The following RTF2 variants were observed in gnomAD, a reference collection of about 807,000 sequenced individuals.
RTF2 encodes UPF0549 protein C20orf43.
Under a neutral mutation model 38.0 loss-of-function variants are expected in RTF2, and 18 were observed. The ratio of observed to expected loss-of-function variants is 0.47; its 90% CI spans 0.33 to 0.70. The LOEUF (loss-of-function observed/expected upper bound fraction) is 0.70, where lower values mean the gene tolerates loss of function less well. Among genes scored for constraint, RTF2 ranks in the 30% least tolerant of loss-of-function variants. RTF2 has a pLI of 0.02. For synonymous variants in RTF2, 126 were observed against 137.1 expected (o/e 0.92, Z 0.57); for missense variants, 311 against 379.6 (o/e 0.82, Z 1.50).
At chr20:56,506,278 G>A (rs1441263457) in intron 5 of RTF2, among the ~76,000 whole-genome samples, 1 of 152,150 alleles carries the variant, frequency 6.6e-6, no homozygotes, top group African/African-American at 2.4e-5. Flanking sequence ...TCAAAAGTCA[G>A]TACAAACATG....
chr20:56,476,878 G>T (rs1982273420), intron 3 of RTF2, 107 bp from the exon 4 acceptor site: 1 of 1,030,142 alleles, frequency 9.7e-7, no homozygotes. Context: ...GTGAGGGAGA[G>T]GTTTTGATGG....
At chr20:56,480,756 GAGA>G (rs1982489367) in intron 4 of RTF2, among the ~76,000 whole-genome samples, 1 of 152,208 alleles carries the variant, frequency 6.6e-6, no homozygotes, top group Admixed American at 6.5e-5. Context: ...AGGGAGAACT[GAGA>G]AGGAGAGAGA....
chr20:56,497,495 G>A (rs1429335638), intron 5 of RTF2: 2 of 1,489,690 alleles, frequency 1.3e-6, no homozygotes, highest in Admixed American at 4.1e-5. Flanking sequence ...CTTCTGGTTG[G>A]GCAGGTTCTT....
At chr20:56,516,754 A>G in intron 6 of RTF2, 181 bp from the exon 7 acceptor site, 1 of 649,868 alleles carries the variant, frequency 1.5e-6, no homozygotes. Context: ...CTGGTGTCAC[A>G]TGCAGAGGGT....
intron 5 of RTF2, among the ~76,000 whole-genome samples, chr20:56,485,026 A>T (rs1375932971): frequency 6.6e-6 from 1 of 152,164 alleles, no homozygotes; most frequent in East Asian, 1.9e-4. Context: ...GTGGGAAAGC[A>T]TACTGAATAA....
At chr20:56,501,087 A>G (rs112848332) in intron 5 of RTF2, among the ~76,000 whole-genome samples, 194 of 152,320 alleles carry the variant, frequency 1.3e-3, no homozygotes, top group African/African-American at 4.4e-3. Flanking sequence ...TAAGGCAGTC[A>G]GGCCCTCTAT....
chr20:56,484,105 C>G lies in RTF2; in HGVS notation c.399-6C>G. ...CAGTCCTTCCCCCACTGGGTTATTT[C>G]TCCAGGTTCTGCTTCCTTCGGTGCT... On this transcript the variant is annotated splice_region_variant and splice_polypyrimidine_tract_variant and intron_variant, in intron 4 of 8. Transcript: ENST00000357348. The G allele has an allele frequency of 1.2e-6, 2 of 1,613,838 alleles. No individual in the cohort carries two copies. Among genetic ancestry groups the G allele is most frequent in the Non-Finnish European group, 1.7e-6 (2 of 1,179,788 alleles).
chr20:56,511,428 A>G (rs928901658), intron 5 of RTF2, among the ~76,000 whole-genome samples: 1 of 151,076 alleles, frequency 6.6e-6, no homozygotes, highest in Non-Finnish European at 1.5e-5. Flanking sequence ...TCCCCCAACC[A>G]TCTATGGAAA....
rs372927705 is a variant in RTF2, at chr20:56,468,680, T to C, written c.-18T>C. Reference sequence around the variant, plus strand: ...ACAGCTTTGGGGGTTTGCTGCTGGCTCTGACTCCCGTCCTGCGATGGGTTG... The same window carrying C: ...ACAGCTTTGGGGGTTTGCTGCTGGCCCTGACTCCCGTCCTGCGATGGGTTG... On this transcript the variant is annotated 5_prime_UTR_variant, in exon 1 of 9. Coordinates refer to ENST00000357348, the MANE Select transcript of RTF2 (RefSeq NM_016407.5). 9.6e-6 allele frequency: 15 copies of C among 1,565,738 alleles called. No homozygotes were observed. Among genetic ancestry groups the C allele is most frequent in the Admixed American group, 5.7e-5 (3 of 52,484 alleles).
At chr20:56,468,977 CA>C (rs1981822809) in intron 1 of RTF2, among the ~76,000 whole-genome samples, 1 of 152,192 alleles carries the variant, frequency 6.6e-6, no homozygotes. Flanking sequence ...GTAATCTTAA[CA>C]GGGGGTATCT....
chr20:56,485,418 C>T (rs1377739885), intron 5 of RTF2, among the ~76,000 whole-genome samples: 2 of 152,188 alleles, frequency 1.3e-5, no homozygotes, highest in South Asian at 2.1e-4. Context: ...CATGCAAGGC[C>T]TGGGGGCCAC....
chr20:56,514,959 A>C (rs748017128), intron 6 of RTF2, among the ~76,000 whole-genome samples: 4 of 151,984 alleles, frequency 2.6e-5, no homozygotes, highest in Non-Finnish European at 5.9e-5. Context: ...AGGCAGGGGA[A>C]TCACTTGAAC....
intron 5 of RTF2, among the ~76,000 whole-genome samples, chr20:56,509,870 A>G (rs1486171212): frequency 6.6e-6 from 1 of 152,216 alleles, no homozygotes; most frequent in African/African-American, 2.4e-5. Context: ...CTGAAAGTGG[A>G]AACAACTCTG....
At chr20:56,505,564 T>G (rs1245058728) in intron 5 of RTF2, among the ~76,000 whole-genome samples, 4 of 151,690 alleles carry the variant, frequency 2.6e-5, no homozygotes, top group Non-Finnish European at 5.9e-5. Context: ...CTGCTCACAC[T>G]GGCCCATTCC....
chr20:56,513,253 T>A, intron 5 of RTF2, 62 bp from the exon 6 acceptor site: 1 of 1,545,332 alleles, frequency 6.5e-7, no homozygotes, highest in Non-Finnish European at 8.7e-7. Context: ...AGTGGGGGAC[T>A]GAAGCGTGGC....
intron 4 of RTF2, 82 bp from the exon 5 acceptor site, chr20:56,484,029 T>A: frequency 8.6e-7 from 1 of 1,169,344 alleles, no homozygotes; most frequent in Non-Finnish European, 1.3e-6. Context: ...TCTTTGTGGT[T>A]CTTGGCCTTT....
chr20:56,518,206 G>A lies in RTF2; in HGVS notation c.862G>A (p.Ala288Thr), dbSNP rs752509107. Residue 288 changes from alanine to threonine, a missense_variant, in exon 9 of 9, where the codon GCC becomes ACC. Ala to Thr is a moderately conservative substitution (Grantham distance 58). Transcript: ENST00000357348. The part of the protein sequence containing the change: ...YKSLFTTHSS[A>T]KRSKEESAHW... ...GTCCCTCTTTACCACTCACAGCTCC[G>A]CCAAGCGCTCCAAGGAGGAGTCTGC... is the stretch of plus-strand genomic sequence containing the variant. The A allele has an allele frequency of 2.4e-5, 39 of 1,613,978 alleles. No homozygotes were observed. Among genetic ancestry groups the A allele is most frequent in the East Asian group, 6.7e-5 (3 of 44,890 alleles).
chr20:56,488,618 A>G (rs2146332486), intron 5 of RTF2, among the ~76,000 whole-genome samples: 1 of 152,382 alleles, frequency 6.6e-6, no homozygotes, highest in South Asian at 2.1e-4. Flanking sequence ...TCTGGTTTTC[A>G]GGCTTTGGCC....
At chr20:56,496,213 C>T (rs993188349) in intron 5 of RTF2, among the ~76,000 whole-genome samples, 48 of 152,028 alleles carry the variant, frequency 3.2e-4, no homozygotes, top group Admixed American at 7.9e-4. Flanking sequence ...TTTACAAGGC[C>T]AAAGAAACAT....
Sources: gnomAD v4.1 joint callset for allele counts (sites outside exome capture counted in the v4.1 genomes callset) on GRCh38, gnomAD v4.1.1 for gene constraint, MANE v1.5 for transcripts, NCBI Gene and HGNC (gene_info 2026-07-23, HGNC 2026-07-21) for gene names.